SUPT3H: variants seen among roughly 807,000 people sequenced by gnomAD.
The protein encoded by SUPT3H is SPT3 homolog, SAGA and STAGA complex component.
A neutral mutation model predicts 44.3 loss-of-function variants in SUPT3H; 44 were observed. That is an observed-to-expected ratio of 0.99 (90% CI 0.78 to 1.28). SUPT3H has a LOEUF of 1.28. Among genes scored for constraint, SUPT3H ranks in the 50% most tolerant of loss-of-function variants. The pLI, the probability that SUPT3H is intolerant of heterozygous loss-of-function variation, is 0.00. For synonymous variants in SUPT3H, 124 were observed against 125.6 expected (o/e 0.99, Z 0.09); for missense variants, 380 against 387.1 (o/e 0.98, Z 0.15).
At chr6:45,187,408 T>TC (rs1814429092) in intron 2 of SUPT3H, among the ~76,000 whole-genome samples, 1 of 105,136 alleles carries the variant, frequency 9.5e-6, no homozygotes, top group East Asian at 3.4e-4. Context: ...AGGGCAAAAC[T>TC]CCGTTTCAAA....
intron 2 of SUPT3H, among the ~76,000 whole-genome samples, chr6:45,281,708 T>G (rs756164575): frequency 6.6e-6 from 1 of 152,134 alleles, no homozygotes; most frequent in Non-Finnish European, 1.5e-5. Context: ...CTCTGCACAC[T>G]TAAATGTCCC....
Position 45,365,121 on chromosome 6 carries a change from T to C in SUPT3H, c.101+80A>G, listed in dbSNP as rs112595267. 1.3e-5 allele frequency: 11 copies of C among 821,432 alleles called. No individual in the cohort carries two copies. In the African/African-American group the frequency reaches 1.7e-4, roughly 13 times the overall value. 50.9% of individuals were successfully genotyped at this position (821,432 alleles called of 1,614,324 possible). ...CAAATTATTTCCAAGTTAAGTTTTATAAATGTTGTTATGTCTATTGTCTTT... is the reference window on the plus strand; with the variant it reads ...CAAATTATTTCCAAGTTAAGTTTTACAAATGTTGTTATGTCTATTGTCTTT... On this transcript the variant is annotated intron_variant, in intron 2 of 10. Coordinates refer to ENST00000371459, the MANE Select transcript of SUPT3H (RefSeq NM_003599.4).
chr6:45,283,677 C>T (rs1242286592), intron 2 of SUPT3H, among the ~76,000 whole-genome samples: 3 of 151,946 alleles, frequency 2.0e-5, no homozygotes, highest in South Asian at 2.1e-4. Context: ...GACAGACCAA[C>T]GAGACAGAAA....
At chr6:44,974,572 T>C (rs569669390) in intron 6 of SUPT3H, among the ~76,000 whole-genome samples, 8 of 152,166 alleles carry the variant, frequency 5.3e-5, no homozygotes, top group Non-Finnish European at 8.8e-5. Flanking sequence ...ACAGAGGCCA[T>C]TTCACAGGAA....
intron 10 of SUPT3H, among the ~76,000 whole-genome samples, chr6:44,877,776 T>C (rs750856425): frequency 2.6e-5 from 4 of 152,288 alleles, no homozygotes; most frequent in Non-Finnish European, 4.4e-5. Flanking sequence ...TGGTTTATCA[T>C]TGTTTTCATA....
At chr6:44,859,605 C>A (rs936469550) in intron 10 of SUPT3H, among the ~76,000 whole-genome samples, 1 of 152,058 alleles carries the variant, frequency 6.6e-6, no homozygotes, top group Admixed American at 6.5e-5. Context: ...AAAGAAAATA[C>A]CCTGACAAAT....
At chr6:45,173,220 T>C (rs772168213) in intron 2 of SUPT3H, among the ~76,000 whole-genome samples, 5 of 152,222 alleles carry the variant, frequency 3.3e-5, no homozygotes, top group Non-Finnish European at 7.3e-5. Flanking sequence ...AATTTATGGT[T>C]ACTACTTGAA....
At chr6:45,329,809 T>C (rs1183219473) in intron 2 of SUPT3H, among the ~76,000 whole-genome samples, 1 of 151,992 alleles carries the variant, frequency 6.6e-6, no homozygotes, top group Non-Finnish European at 1.5e-5. Flanking sequence ...TGTGTTATTA[T>C]AGCAAAATAT....
chr6:44,927,501 T>C (rs1029183911), intron 10 of SUPT3H, among the ~76,000 whole-genome samples: 2 of 152,180 alleles, frequency 1.3e-5, no homozygotes, highest in South Asian at 4.1e-4. Context: ...CTTATGCAAA[T>C]ATGTAAAATC....
rs541410378 is a variant in SUPT3H at position 45,326,304 on chromosome 6, T to G, written c.101+38897A>C. On this transcript the variant is annotated intron_variant, in intron 2 of 10. Transcript: ENST00000371459. ...AGCTACCTACATATTTTCAATTAAG[T>G]GATTCTGCTATTATAGGTACACATG... is the stretch of plus-strand genomic sequence containing the variant. Among the ~76,000 whole-genome samples the G allele has an allele frequency of 2.0e-5, 3 of 152,032 alleles. No individual in the cohort carries two copies. The South Asian group carries it at 6.2e-4, about 32-fold the overall frequency.
chr6:45,102,575 C>A (rs1178688559), intron 3 of SUPT3H, among the ~76,000 whole-genome samples: 1 of 151,996 alleles, frequency 6.6e-6, no homozygotes, highest in African/African-American at 2.4e-5. Context: ...AAGTAAAAAG[C>A]AGAGTCAATA....
In SUPT3H at chr6:45,105,902, C is replaced by T; in HGVS notation, c.186+20G>A. 1.9e-6 allele frequency: 3 copies of T among 1,588,494 alleles called. No individual in the cohort carries two copies. Among genetic ancestry groups the T allele is most frequent in the Non-Finnish European group, 2.6e-6 (3 of 1,160,384 alleles). The stretch of plus-strand genomic sequence containing the variant: ...AGAATGCAGAGAAGAGAAACCAAAT[C>T]AAATTATATATGCTCTTACCAGATT... On this transcript the variant is annotated intron_variant, in intron 3 of 10. Transcript: ENST00000371459.
At chr6:45,098,550 G>A (rs1798112849) in intron 3 of SUPT3H, 2 of 287,884 alleles carry the variant, frequency 6.9e-6, no homozygotes, top group African/African-American at 2.2e-5. Context: ...TAAGAGAGGA[G>A]AGGAACATCC....
intron 2 of SUPT3H, among the ~76,000 whole-genome samples, chr6:45,250,314 C>T (rs1350963421): frequency 6.6e-6 from 1 of 150,732 alleles, no homozygotes; most frequent in Non-Finnish European, 1.5e-5. Flanking sequence ...GAAAAGACCC[C>T]AGAGGCTTTT....
intron 10 of SUPT3H, among the ~76,000 whole-genome samples, chr6:44,831,728 T>TTTGGC (rs1164854196): frequency 1.3e-5 from 2 of 152,028 alleles, no homozygotes; most frequent in African/African-American, 4.8e-5. Context: ...GAAAGGAGGT[T>TTTGGC]TTGGCTTAGA....
rs556117629 is a variant in SUPT3H at position 44,951,884 on chromosome 6, T to C, written c.801+1426A>G. The stretch of plus-strand genomic sequence containing the variant: ...CTGATGTTAATGGAAAGCATACTTA[T>C]ACACATATTCATAAAGTGAACAAAC... On this transcript the variant is annotated intron_variant, in intron 9 of 10. Coordinates refer to ENST00000371459, the MANE Select transcript of SUPT3H (RefSeq NM_003599.4). Among the ~76,000 whole-genome samples, 11 of 152,346 alleles carry C rather than the reference T, an allele frequency of 7.2e-5. No homozygotes were observed. The East Asian group carries it at 1.9e-3, about 27-fold the overall frequency.
At chr6:45,036,980 T>C (rs539618663) in intron 3 of SUPT3H, among the ~76,000 whole-genome samples, 2 of 152,108 alleles carry the variant, frequency 1.3e-5, no homozygotes, top group South Asian at 2.1e-4. Flanking sequence ...AGGAGAGGTA[T>C]TCCCCAAAAA....
chr6:44,961,826 T>C lies in SUPT3H; in HGVS notation c.507A>G (p.Arg169=). ...IDEVKQERME[R]AERQTRIMDS... ...CCATAATTCGAGTTTGTCTTTCTGCTCTCTAAAAGATAAAAATACATAACA... is the reference window on the plus strand; with the variant it reads ...CCATAATTCGAGTTTGTCTTTCTGCCCTCTAAAAGATAAAAATACATAACA... Residue 169 remains arginine (R), a splice_region_variant and synonymous_variant, in exon 7 of 11, where the codon AGA becomes AGG. Coordinates refer to ENST00000371459, the MANE Select transcript of SUPT3H (RefSeq NM_003599.4). 6.2e-7 allele frequency: 1 copy of C among 1,601,648 alleles called. No individual in the cohort carries two copies. The highest frequency in any genetic ancestry group is 8.5e-7 in the Non-Finnish European group (1 of 1,174,328).
At chr6:45,121,368 G>A (rs1452372912) in intron 2 of SUPT3H, among the ~76,000 whole-genome samples, 1 of 152,182 alleles carries the variant, frequency 6.6e-6, no homozygotes, top group African/African-American at 2.4e-5. Context: ...GGGACCAGAG[G>A]TTTCCAGGAT....
Sources: gnomAD v4.1 joint callset for allele counts (sites outside exome capture counted in the v4.1 genomes callset) on GRCh38, gnomAD v4.1.1 for gene constraint, MANE v1.5 for transcripts, NCBI Gene and HGNC (gene_info 2026-07-23, HGNC 2026-07-21) for gene names.